The following ABR variants were observed in gnomAD, a reference collection of about 807,000 sequenced individuals.
The protein encoded by ABR is ABR activator of RhoGEF and GTPase.
ABR carries 35 observed loss-of-function variants against 107.2 expected under a neutral mutation model. That is an observed-to-expected ratio of 0.33 (90% CI 0.25 to 0.43). The LOEUF (loss-of-function observed/expected upper bound fraction) is 0.43, where lower values mean the gene tolerates loss of function less well. ABR is among the 20% of genes least tolerant of loss of function. The pLI is 1.00. For missense variants in ABR, 815 were observed against 1,115.2 expected (o/e 0.73, Z 3.83); for synonymous variants, 498 against 462.0 (o/e 1.08, Z -1.00).
intron 1 of ABR, among the ~76,000 whole-genome samples, chr17:1,142,375 G>A (rs1400032291): frequency 4.6e-5 from 7 of 151,896 alleles, no homozygotes; most frequent in Non-Finnish European, 1.0e-4. Flanking sequence ...ACCTGAAGTC[G>A]AGAGTTCGAG....
chr17:1,079,411 G>C (rs1196430651), intron 5 of ABR, 21 bp from the exon 6 acceptor site: 12 of 1,607,036 alleles, frequency 7.5e-6, no homozygotes, highest in Non-Finnish European at 1.0e-5. Flanking sequence ...GAGGAGAGGA[G>C]TCATGGCCTG....
At chr17:1,158,008 G>A (rs945363251) in intron 1 of ABR, among the ~76,000 whole-genome samples, 2 of 152,120 alleles carry the variant, frequency 1.3e-5, no homozygotes, top group African/African-American at 2.4e-5. Context: ...TATGTGTGTC[G>A]CGTTGCAGCA....
rs1392616252 is a variant in ABR at position 1,079,362 on chromosome 17, G to C, written c.668C>G (p.Ser223Cys). ...EELKVKGPKDSKDSHTSVTME... is the reference protein window; with the variant it reads ...EELKVKGPKDCKDSHTSVTME... ...GGTGACAGACGTGTGGCTGTCCTTG[G>C]AGTCCTTGGGACCTTTCACTTTGAG... is the stretch of plus-strand genomic sequence containing the variant. The change falls in exon 6 of 23, where the codon TCC becomes TGC. Residue 223 changes from serine to cysteine, a missense_variant. Transcript: ENST00000302538. The C allele has an allele frequency of 1.2e-6, 2 of 1,613,676 alleles. No homozygotes were observed. The highest frequency in any genetic ancestry group is 2.2e-5 in the South Asian group (2 of 90,956).
In ABR at chr17:1,048,063, C is replaced by T. The variant is rs1031794858; in HGVS notation, c.1791+1987G>A. On this transcript the variant is annotated intron_variant, in intron 16 of 22. Coordinates refer to ENST00000302538, the MANE Select transcript of ABR (RefSeq NM_021962.5). ...GGGCTGCACAGGCCAGCCCAGAACC[C>T]TTCCGTGCCTGTCCCTCTAGCCCAG... Among the ~76,000 whole-genome samples the T allele has an allele frequency of 2.0e-5, 3 of 152,208 alleles. No individual in the cohort carries two copies. The East Asian group carries it at 5.8e-4, about 29-fold the overall frequency.
intron 1 of ABR, among the ~76,000 whole-genome samples, chr17:1,174,501 G>A (rs946446175): frequency 1.3e-5 from 2 of 152,160 alleles, no homozygotes; most frequent in Non-Finnish European, 2.9e-5. Flanking sequence ...ATGCTCACCT[G>A]GAGACAGGCT....
chr17:1,222,748 C>CA (rs1187334751), intron 1 of ABR, among the ~76,000 whole-genome samples: 1 of 151,980 alleles, frequency 6.6e-6, no homozygotes, highest in East Asian at 1.9e-4. Context: ...CCCGTCTCTA[C>CA]AAAAAATTAA....
rs187283751 is a variant in ABR at position 1,041,979 on chromosome 17, C to G, written c.1791+8071G>C. 4.8e-3 allele frequency among the ~76,000 whole-genome samples: 725 copies of G among 152,228 alleles called. 4 individuals are homozygous for G. The highest frequency in any genetic ancestry group is 0.017 in the African/African-American group (688 of 41,528). ...AACTGTGTGCTTCAACTACAGGAGA[C>G]TAATAGTGACCAGTCATGCCCTAGG... is the stretch of plus-strand genomic sequence containing the variant. On this transcript the variant is annotated intron_variant, in intron 16 of 22. Transcript: ENST00000302538.
chr17:1,076,716 G>GGAC (rs2035746777), intron 6 of ABR, among the ~76,000 whole-genome samples: 1 of 99,546 alleles, frequency 1.0e-5, no homozygotes, highest in Non-Finnish European at 2.1e-5. Flanking sequence ...CAGGTGCACG[G>GGAC]GGGGGGTGGG....
In ABR at chr17:1,081,274, CA is replaced by C. The variant is rs1239883009; in HGVS notation, c.640-1885del. ...ATTTTTAATAGAGACGGGGTTTCAC[CA>C]TGTTTCCCAGGCCGGTCTTGAACTC... On this transcript the variant is annotated intron_variant, in intron 5 of 22. Transcript: ENST00000302538. Among the ~76,000 whole-genome samples, 7 of 152,356 alleles carry C rather than the reference CA, an allele frequency of 4.6e-5. No individual in the cohort carries two copies. In the East Asian group the frequency reaches 1.3e-3, roughly 29 times the overall value.
At chr17:1,195,078 C>A (rs1283482616) in intron 1 of ABR, among the ~76,000 whole-genome samples, 6 of 144,750 alleles carry the variant, frequency 4.1e-5, no homozygotes, top group African/African-American at 1.2e-4. Context: ...GAGGCCGAGG[C>A]GGGCGGATCA....
At chr17:1,171,193 C>T (rs2041699055) in intron 1 of ABR, among the ~76,000 whole-genome samples, 1 of 152,196 alleles carries the variant, frequency 6.6e-6, no homozygotes, top group Admixed American at 6.5e-5. Flanking sequence ...ATGTTCCCAG[C>T]CAGAGAAATA....
intron 6 of ABR, among the ~76,000 whole-genome samples, chr17:1,075,133 G>C (rs2035595178): frequency 6.6e-6 from 1 of 152,196 alleles, no homozygotes; most frequent in South Asian, 2.1e-4. Context: ...AGGATGGCTG[G>C]GATTCAGCAG....
chr17:1,070,064 G>A lies in ABR; in HGVS notation c.921C>T (p.Phe307=). The A allele has an allele frequency of 6.2e-7, 1 of 1,613,772 alleles. No individual in the cohort carries two copies. Among genetic ancestry groups the A allele is most frequent in the Non-Finnish European group, 8.5e-7 (1 of 1,179,958 alleles). ...GGGAGCTCTCTGACACTTCCACCAG[G>A]AAGCCGTCCTTCACCAGCTGTCGCG... is the stretch of plus-strand genomic sequence containing the variant. ...GETRQLVKDG[F]LVEVSESSRK... Residue 307 remains phenylalanine (F), a synonymous_variant, in exon 9 of 23, where the codon TTC becomes TTT. Transcript: ENST00000302538. This position sits in a 1 kb window ranked among gnomAD's most constrained non-coding sequence, Gnocchi z 4.2.
Position 1,185,896 on chromosome 17 carries a change from C to T in ABR, c.-78+904G>A, listed in dbSNP as rs139245502. Reference sequence around the variant, plus strand: ...TTATTGCCTGGCTGGAGTGCAGTGGCAGGATCTCGGCTCACTGCAACCTCT... The same window carrying T: ...TTATTGCCTGGCTGGAGTGCAGTGGTAGGATCTCGGCTCACTGCAACCTCT... On this transcript the variant is annotated intron_variant, in intron 1 of 22. Coordinates refer to the ABR transcript ENST00000544583. Among the ~76,000 whole-genome samples, 894 of 151,868 alleles carry T rather than the reference C, an allele frequency of 5.9e-3. 11 individuals are homozygous for T. Among genetic ancestry groups the T allele is most frequent in the African/African-American group, 0.02 (844 of 41,428 alleles).
At position 1,166,873 on chromosome 17, in the gene ABR, G is replaced by A. The variant is rs573952898; in HGVS notation, c.61+12794C>T. 1.1e-3 allele frequency among the ~76,000 whole-genome samples: 168 copies of A among 152,240 alleles called. 2 individuals carry two copies. Among genetic ancestry groups the A allele is most frequent in the African/African-American group, 3.9e-3 (160 of 41,540 alleles). ...AAACATTAGCTGGGCATGGTGGCAC[G>A]CGCCTGTAGTCCCAGCTACTTGGGA... On this transcript the variant is annotated intron_variant, in intron 1 of 22. Coordinates refer to ENST00000302538, the MANE Select transcript of ABR (RefSeq NM_021962.5).
intron 1 of ABR, among the ~76,000 whole-genome samples, chr17:1,227,969 G>C (rs2043253025): frequency 1.3e-5 from 2 of 152,210 alleles, no homozygotes; most frequent in African/African-American, 4.8e-5. Flanking sequence ...ATCAGGCCCT[G>C]TCCTCAGAAA....
intron 5 of ABR, chr17:1,083,262 ATTTTT>A (rs71148428): frequency 9.0e-4 from 91 of 101,156 alleles, no homozygotes; most frequent in South Asian, 2.0e-3. Context: ...ACTGCCTTGG[ATTTTT>A]TTTTTTTTTT....
At chr17:1,189,144 GTGAGAC>G (rs2042378885), upstream of ABR, among the ~76,000 whole-genome samples, 1 of 152,164 alleles carries the variant, frequency 6.6e-6, no homozygotes, top group South Asian at 2.1e-4. Flanking sequence ...GTGAAGAAGG[GTGAGAC>G]TCCGGCCACA....
chr17:1,106,527 C>CTTTTTT (rs540643214), intron 2 of ABR, among the ~76,000 whole-genome samples: 3 of 102,584 alleles, frequency 2.9e-5, no homozygotes, highest in East Asian at 3.0e-4. Context: ...TTCTCACAGT[C>CTTTTTT]TTTTTTTTTT....
Sources: allele counts gnomAD v4.1 joint callset (sites outside exome capture counted in the v4.1 genomes callset), GRCh38; gene constraint gnomAD v4.1.1; non-coding constraint Gnocchi (gnomAD v3.1); transcripts MANE v1.5; gene names NCBI Gene and HGNC (gene_info 2026-07-23, HGNC 2026-07-21).